AK7: variants seen among roughly 807,000 people sequenced by gnomAD.
AK7 encodes ATP-AMP transphosphorylase 7.
Under a neutral mutation model 96.6 loss-of-function variants are expected in AK7, and 78 were observed. That is an observed-to-expected ratio of 0.81 (90% CI 0.67 to 0.97). AK7 has a LOEUF of 0.97. AK7 is among the 50% of genes least tolerant of loss of function. AK7 has a pLI of 0.00. For missense variants in AK7, 855 were observed against 887.9 expected, an observed-to-expected ratio of 0.96 and a Z score of 0.47; for synonymous variants, 302 against 317.2, an observed-to-expected ratio of 0.95 and a Z score of 0.51.
chr14:96,454,662 A>T (rs891631196), intron 10 of AK7, among the ~76,000 whole-genome samples: 17 of 141,586 alleles, frequency 1.2e-4, no homozygotes, highest in East Asian at 8.0e-4. Context: ...ATTTAAAAAA[A>T]ATTTTTTTTT....
rs956104359 is a variant in AK7, at chr14:96,412,498, G to T, written c.498+3557G>T. On this transcript the variant is annotated intron_variant, in intron 4 of 17. Coordinates refer to ENST00000267584, the MANE Select transcript of AK7 (RefSeq NM_152327.5). ...CCGCCTCCGCCTCCCAAAGTGCTGG[G>T]GTTACAGACACGAGCCACTGCGCCC... Among the ~76,000 whole-genome samples the T allele has an allele frequency of 2.6e-5, 4 of 151,344 alleles. No individual in the cohort carries two copies. The East Asian group carries it at 7.8e-4, about 29-fold the overall frequency.
At chr14:96,461,118 C>T (rs1213519785) in intron 12 of AK7, among the ~76,000 whole-genome samples, 1 of 152,156 alleles carries the variant, frequency 6.6e-6, no homozygotes, top group East Asian at 1.9e-4. Flanking sequence ...TGTAACATTG[C>T]CTCTGCCTTC....
chr14:96,482,939 C>T, intron 15 of AK7, 60 bp from the exon 16 acceptor site: 1 of 1,531,790 alleles, frequency 6.5e-7, no homozygotes, highest in South Asian at 1.2e-5. Context: ...AAAGAATTTT[C>T]CCAATTGCAG....
At chr14:96,460,762 G>A (rs916964404) in intron 12 of AK7, among the ~76,000 whole-genome samples, 4 of 152,142 alleles carry the variant, frequency 2.6e-5, no homozygotes, top group Non-Finnish European at 5.9e-5. Flanking sequence ...GACTGACCGG[G>A]GCTATTTGCC....
chr14:96,463,258 C>T (rs1206759847), intron 12 of AK7, among the ~76,000 whole-genome samples: 2 of 152,142 alleles, frequency 1.3e-5, no homozygotes, highest in Non-Finnish European at 2.9e-5. Context: ...GCTGTTGAGA[C>T]TCGCTGTTTC....
At chr14:96,450,373 G>A (rs1027029932) in intron 9 of AK7, among the ~76,000 whole-genome samples, 6 of 150,798 alleles carry the variant, frequency 4.0e-5, no homozygotes, top group Admixed American at 2.7e-4. Flanking sequence ...CCTAGATCAC[G>A]TCATTGCACT....
chr14:96,397,709 A>G (rs1250908517), intron 1 of AK7, among the ~76,000 whole-genome samples: 1 of 152,186 alleles, frequency 6.6e-6, no homozygotes, highest in African/African-American at 2.4e-5. Context: ...TAGCAAGACC[A>G]CATCTTTAAC....
chr14:96,402,242 A>G (rs1000922617), intron 2 of AK7, among the ~76,000 whole-genome samples: 2 of 151,964 alleles, frequency 1.3e-5, no homozygotes, highest in Non-Finnish European at 2.9e-5. Context: ...ATCAGCAGCT[A>G]TATATTATTC....
chr14:96,406,216 C>A (rs1401026455), intron 3 of AK7, among the ~76,000 whole-genome samples: 2 of 152,062 alleles, frequency 1.3e-5, no homozygotes, highest in Non-Finnish European at 2.9e-5. Context: ...TGTGCCCGGC[C>A]AAGCAACCTC....
chr14:96,397,576 T>G (rs1400098167), intron 1 of AK7, among the ~76,000 whole-genome samples: 1 of 152,146 alleles, frequency 6.6e-6, no homozygotes, highest in African/African-American at 2.4e-5. Flanking sequence ...ATTTTACCCT[T>G]TGTTTTCACT....
intron 10 of AK7, among the ~76,000 whole-genome samples, chr14:96,455,822 G>A (rs1049940018): frequency 6.6e-6 from 1 of 152,168 alleles, no homozygotes; most frequent in Admixed American, 6.6e-5. Flanking sequence ...CTGACCAGGC[G>A]GCAGACGCTT....
chr14:96,470,305 A>C (rs1339484174), intron 12 of AK7, among the ~76,000 whole-genome samples: 2 of 152,070 alleles, frequency 1.3e-5, no homozygotes, highest in African/African-American at 2.4e-5. Context: ...AGGTAAAAGA[A>C]TAATAGATTC....
At chr14:96,406,328 G>A (rs562203743) in intron 3 of AK7, among the ~76,000 whole-genome samples, 1 of 152,262 alleles carries the variant, frequency 6.6e-6, no homozygotes, top group African/African-American at 2.4e-5. Flanking sequence ...GCCTTTCTTA[G>A]GACCACCCTC....
Position 96,398,062 on chromosome 14 carries a change from T to G in AK7, c.106-13T>G, listed in dbSNP as rs1317874568. ...TTTCTCTTACCATTTGGGAAATTTCTGTTTCCTTGCAGTTTCTATCTAACT... is the reference window on the plus strand; with the variant it reads ...TTTCTCTTACCATTTGGGAAATTTCGGTTTCCTTGCAGTTTCTATCTAACT... On this transcript the variant is annotated splice_polypyrimidine_tract_variant and intron_variant, in intron 1 of 17. Transcript: ENST00000267584. 6 of 1,608,250 alleles carry G rather than the reference T, an allele frequency of 3.7e-6. No homozygotes were observed. Among genetic ancestry groups the G allele is most frequent in the Non-Finnish European group, 5.1e-6 (6 of 1,176,462 alleles).
chr14:96,430,524 CT>C (rs1039525828), intron 5 of AK7, among the ~76,000 whole-genome samples: 33 of 152,226 alleles, frequency 2.2e-4, no homozygotes, highest in African/African-American at 7.9e-4. Flanking sequence ...TTTTCTGCAT[CT>C]ATTGAGATAA....
At chr14:96,455,929 A>G (rs1893873336) in intron 10 of AK7, among the ~76,000 whole-genome samples, 1 of 152,060 alleles carries the variant, frequency 6.6e-6, no homozygotes, top group Non-Finnish European at 1.5e-5. Flanking sequence ...TGCAGGGTCC[A>G]GAGACTTTAT....
At chr14:96,415,606 C>T (rs975386224) in intron 4 of AK7, among the ~76,000 whole-genome samples, 2 of 151,892 alleles carry the variant, frequency 1.3e-5, no homozygotes, top group African/African-American at 2.4e-5. Context: ...TTTCCCAGTG[C>T]GTAGGTCTTT....
chr14:96,452,545 C>T (rs1171487411), intron 10 of AK7, among the ~76,000 whole-genome samples: 1 of 152,140 alleles, frequency 6.6e-6, no homozygotes, highest in African/African-American at 2.4e-5. Flanking sequence ...AGGCTGGTTT[C>T]AAACTCCTGG....
intron 3 of AK7, 101 bp from the exon 4 acceptor site, chr14:96,408,746 C>T (rs1032770260): frequency 1.0e-6 from 1 of 978,364 alleles, no homozygotes; most frequent in Non-Finnish European, 1.6e-6. Flanking sequence ...GTAACAGCAC[C>T]CTGGTGTTAA....
Sources: allele counts gnomAD v4.1 joint callset (sites outside exome capture counted in the v4.1 genomes callset), GRCh38; gene constraint gnomAD v4.1.1; transcripts MANE v1.5; gene names NCBI Gene and HGNC (gene_info 2026-07-23, HGNC 2026-07-21).